Variants in KCNH5 observed in about 807,000 individuals in gnomAD.
The protein encoded by KCNH5 is voltage-gated delayed rectifier potassium channel KCNH5.
A neutral mutation model predicts 96.1 loss-of-function variants in KCNH5; 46 were observed. The ratio of observed to expected loss-of-function variants is 0.48; its 90% confidence interval spans 0.38 to 0.61. KCNH5 has a LOEUF of 0.61. Among genes scored for constraint, KCNH5 ranks in the 20% least tolerant of loss-of-function variants. The probability of loss-of-function intolerance (pLI) is 0.00; values close to 1 mark genes in which losing one functional copy is unlikely to be tolerated. For synonymous variants in KCNH5, 439 were observed against 449.8 expected, an observed-to-expected ratio of 0.98 and a Z score of 0.30; for missense variants, 907 against 1,225.8, an observed-to-expected ratio of 0.74 and a Z score of 3.88.
Position 62,950,281 on chromosome 14 carries a change from CCCA to C in KCNH5, c.1218_1220del (p.Gly407del). On this transcript the variant is annotated inframe_deletion, in exon 7 of 11. Transcript: ENST00000322893. Reference sequence around the variant, plus strand: ...CCTTGCTGGGTCCTCCTTCCCATATCCCAGCACTGGTATTGTAGCGATATGGAG... The same window carrying C: ...CCTTGCTGGGTCCTCCTTCCCATATCGCACTGGTATTGTAGCGATATGGAG... 1 of 1,614,004 alleles carries C rather than the reference CCCA, an allele frequency of 6.2e-7. No homozygotes were observed. The highest frequency in any genetic ancestry group is 8.5e-7 in the Non-Finnish European group (1 of 1,179,956).
chr14:62,798,063 T>A (rs1305520444), intron 9 of KCNH5, among the ~76,000 whole-genome samples: 1 of 152,172 alleles, frequency 6.6e-6, no homozygotes, highest in African/African-American at 2.4e-5. Context: ...AGAATCTTAA[T>A]TCGAGTGCTA....
intron 1 of KCNH5, among the ~76,000 whole-genome samples, chr14:63,017,832 G>A (rs2139608623): frequency 6.6e-6 from 1 of 151,372 alleles, no homozygotes; most frequent in East Asian, 1.9e-4. Flanking sequence ...TCATACTCAG[G>A]GTAGTATACT....
At chr14:62,881,059 G>A (rs543818299) in intron 7 of KCNH5, among the ~76,000 whole-genome samples, 2 of 152,228 alleles carry the variant, frequency 1.3e-5, no homozygotes, top group South Asian at 4.2e-4. Context: ...AATCTGTTGT[G>A]TCAACATTCC....
chr14:62,755,641 A>G (rs868495300), intron 10 of KCNH5, among the ~76,000 whole-genome samples: 1 of 152,176 alleles, frequency 6.6e-6, no homozygotes, highest in Admixed American at 6.5e-5. Flanking sequence ...AAGAAAAAGG[A>G]AGGAAGGAAG....
chr14:62,861,272 ATTTTT>A (rs112072677), intron 7 of KCNH5, among the ~76,000 whole-genome samples: 1 of 146,334 alleles, frequency 6.8e-6, no homozygotes. Flanking sequence ...CTAAAAATTG[ATTTTT>A]TTTTTTTTGA....
At chr14:62,824,975 T>C (rs1443555469) in intron 8 of KCNH5, among the ~76,000 whole-genome samples, 1 of 152,094 alleles carries the variant, frequency 6.6e-6, no homozygotes, top group Non-Finnish European at 1.5e-5. Context: ...TTTCCCATGG[T>C]GTATATGTAT....
chr14:63,020,458 G>A (rs10133778), intron 1 of KCNH5, among the ~76,000 whole-genome samples: 7,266 of 152,104 alleles, frequency 0.048, 198 homozygotes, highest in East Asian at 0.062. Flanking sequence ...TACACAAGGA[G>A]TACTACTCAG....
chr14:62,743,310 T>A (rs899904108), intron 10 of KCNH5, among the ~76,000 whole-genome samples: 13 of 152,316 alleles, frequency 8.5e-5, no homozygotes, highest in African/African-American at 2.6e-4. Flanking sequence ...GTTCCCTGGG[T>A]AATTCTAATG....
intron 8 of KCNH5, among the ~76,000 whole-genome samples, chr14:62,809,556 T>C (rs1377157524): frequency 6.6e-6 from 1 of 152,098 alleles, no homozygotes; most frequent in Non-Finnish European, 1.5e-5. Flanking sequence ...TCATAGGTAT[T>C]TGAGGGTACA....
At chr14:62,961,628 GT>G (rs1247422068) in intron 6 of KCNH5, among the ~76,000 whole-genome samples, 1 of 152,166 alleles carries the variant, frequency 6.6e-6, no homozygotes, top group East Asian at 1.9e-4. Context: ...AAGTGAATTT[GT>G]CAGGGCTCTC....
intron 10 of KCNH5, among the ~76,000 whole-genome samples, chr14:62,714,575 T>C (rs951980817): frequency 2.6e-5 from 4 of 152,192 alleles, no homozygotes; most frequent in Admixed American, 6.5e-5. Context: ...GTAATTTATA[T>C]AGCTTAATTT....
intron 7 of KCNH5, among the ~76,000 whole-genome samples, chr14:62,856,741 C>A (rs2140053026): frequency 6.6e-6 from 1 of 152,084 alleles, no homozygotes; most frequent in Non-Finnish European, 1.5e-5. Context: ...TATATGTAGG[C>A]ACCCTCTATG....
intron 7 of KCNH5, among the ~76,000 whole-genome samples, chr14:62,858,888 A>G (rs1887980255): frequency 6.6e-6 from 1 of 152,196 alleles, no homozygotes; most frequent in South Asian, 2.1e-4. Flanking sequence ...TCAAAAGACC[A>G]TTCCACCATT....
At chr14:62,815,971 T>A (rs1359526342) in intron 8 of KCNH5, among the ~76,000 whole-genome samples, 1 of 151,936 alleles carries the variant, frequency 6.6e-6, no homozygotes, top group East Asian at 1.9e-4. Flanking sequence ...TTATATTTTT[T>A]ATATTACTTC....
intron 4 of KCNH5, among the ~76,000 whole-genome samples, chr14:62,993,127 T>C (rs975749227): frequency 1.2e-4 from 18 of 152,062 alleles, no homozygotes; most frequent in African/African-American, 4.1e-4. Context: ...TGTCTGTAAA[T>C]ATGTGGCTTT....
rs891012029 is a variant in KCNH5 at position 62,711,146 on chromosome 14, G to A, written c.2020-2691C>T. On this transcript the variant is annotated intron_variant, in intron 10 of 10. Transcript: ENST00000322893. ...GTGCTTACCAAGTTCAGGGTGTTTT[G>A]TGTTGTAAGACTGTAACATGTCCAT... 2.0e-5 allele frequency among the ~76,000 whole-genome samples: 3 copies of A among 152,092 alleles called. No homozygotes were observed. The South Asian group carries it at 6.2e-4, about 32-fold the overall frequency.
intron 8 of KCNH5, among the ~76,000 whole-genome samples, chr14:62,810,550 G>A (rs562094712): frequency 6.6e-6 from 1 of 152,150 alleles, no homozygotes; most frequent in Non-Finnish European, 1.5e-5. Context: ...AAAATAGCTT[G>A]CAGTAAAGAA....
intron 6 of KCNH5, among the ~76,000 whole-genome samples, chr14:62,978,518 C>A (rs1434292591): frequency 6.7e-6 from 1 of 149,044 alleles, no homozygotes; most frequent in East Asian, 2.0e-4. Context: ...ACCCGGGAGG[C>A]GGAGCTTGCA....
In KCNH5 at chr14:62,887,303, T is replaced by G. The variant is rs148847772; in HGVS notation, c.1370-37451A>C. Reference sequence around the variant, plus strand: ...GATTAAGGGAGGAGCAGAATTGCATTAGTTAGATATTCTGGTAGTGCTGCA... The same window carrying G: ...GATTAAGGGAGGAGCAGAATTGCATGAGTTAGATATTCTGGTAGTGCTGCA... On this transcript the variant is annotated intron_variant, in intron 7 of 10. Transcript: ENST00000322893. Among the ~76,000 whole-genome samples, 561 of 152,282 alleles carry G rather than the reference T, an allele frequency of 3.7e-3. 3 individuals carry two copies. Among genetic ancestry groups the G allele is most frequent in the African/African-American group, 0.012 (509 of 41,570 alleles).
Sources: gnomAD v4.1 joint callset for allele counts (sites outside exome capture counted in the v4.1 genomes callset) on GRCh38, gnomAD v4.1.1 for gene constraint, MANE v1.5 for transcripts, NCBI Gene and HGNC (gene_info 2026-07-23, HGNC 2026-07-21) for gene names.